Variants in MACROD2 observed in about 807,000 individuals in gnomAD.
MACROD2 encodes the protein ADP-ribose glycohydrolase MACROD2.
MACROD2 carries 36 observed loss-of-function variants against 70.4 expected under a neutral mutation model. The ratio of observed to expected loss-of-function variants is 0.51; its 90% CI spans 0.39 to 0.68. The LOEUF is 0.68. Ranked by LOEUF, MACROD2 falls within the 30% of genes least tolerant of loss-of-function variation. MACROD2 has a pLI of 0.00. For synonymous variants in MACROD2, 172 were observed against 178.8 expected, an observed-to-expected ratio of 0.96 and a Z score of 0.30; for missense variants, 496 against 538.4, an observed-to-expected ratio of 0.92 and a Z score of 0.78.
At chr20:14,456,655 C>G (rs775249299) in intron 3 of MACROD2, among the ~76,000 whole-genome samples, 1 of 149,242 alleles carries the variant, frequency 6.7e-6, no homozygotes, top group Non-Finnish European at 1.5e-5. Flanking sequence ...CTAAAATATA[C>G]TATGCAATTC....
rs59129207 is a variant in MACROD2 at position 15,227,823 on chromosome 20, G to GTTTTTT, written c.419-2096_419-2091dup. Among the ~76,000 whole-genome samples, 291 of 46,080 alleles carry GTTTTTT rather than the reference G, an allele frequency of 6.3e-3. 54 individuals carry two copies. The highest frequency in any genetic ancestry group is 0.011 in the African/African-American group (112 of 10,300). The allele number at this position is 46,080 out of a possible 152,430, so 30.2% of individuals were successfully genotyped here. Reference sequence around the variant, plus strand: ...TAACTGGTGTGATAGAATTTCACCTGTTTTTTTTTTTTTTTTTTTTTTTTT... The same window carrying GTTTTTT: ...TAACTGGTGTGATAGAATTTCACCTGTTTTTTTTTTTTTTTTTTTTTTTTTTTTTTT... On this transcript the variant is annotated intron_variant, in intron 5 of 17. Transcript: ENST00000684519.
At chr20:15,801,906 G>A (rs1262229061) in intron 8 of MACROD2, among the ~76,000 whole-genome samples, 2 of 152,092 alleles carry the variant, frequency 1.3e-5, no homozygotes, top group African/African-American at 4.8e-5. Flanking sequence ...TATTGCAGAA[G>A]TCTTTAACAT....
intron 2 of MACROD2, among the ~76,000 whole-genome samples, chr20:14,023,204 T>G (rs1369704137): frequency 1.3e-5 from 2 of 152,250 alleles, no homozygotes; most frequent in African/African-American, 2.4e-5. Flanking sequence ...AAATGTCTTC[T>G]TTGGAGAAGT....
chr20:14,615,641 C>T (rs1049115086), intron 4 of MACROD2, among the ~76,000 whole-genome samples: 3 of 152,170 alleles, frequency 2.0e-5, no homozygotes. Flanking sequence ...TCAGGCTAAG[C>T]AGCTTAGGCA....
At chr20:15,578,591 A>G (rs962984245) in intron 8 of MACROD2, among the ~76,000 whole-genome samples, 2 of 152,282 alleles carry the variant, frequency 1.3e-5, no homozygotes, top group Admixed American at 1.3e-4. Context: ...TATGTACAGT[A>G]TAACAACAAG....
chr20:15,710,358 G>A (rs1031529582), intron 8 of MACROD2, among the ~76,000 whole-genome samples: 3 of 152,152 alleles, frequency 2.0e-5, no homozygotes, highest in African/African-American at 7.2e-5. Context: ...AATGACAACA[G>A]CAAGCTATAC....
At chr20:15,768,313 G>A (rs2051563052) in intron 8 of MACROD2, among the ~76,000 whole-genome samples, 1 of 152,136 alleles carries the variant, frequency 6.6e-6, no homozygotes, top group South Asian at 2.1e-4. Context: ...ATTGCTCCTA[G>A]GCTACAAACC....
At chr20:14,356,893 G>A (rs4640454) in intron 3 of MACROD2, among the ~76,000 whole-genome samples, 57,785 of 152,012 alleles carry the variant, frequency 0.38, 12,515 homozygotes, top group Non-Finnish European at 0.49. Flanking sequence ...GTGTGATGGG[G>A]GTCTCTATTT....
intron 8 of MACROD2, among the ~76,000 whole-genome samples, chr20:15,703,772 G>T (rs2050493869): frequency 6.6e-6 from 1 of 152,260 alleles, no homozygotes; most frequent in East Asian, 1.9e-4. Flanking sequence ...TACAGTGAAT[G>T]CACCGTTGAG....
chr20:15,696,684 T>TG (rs201634503), intron 8 of MACROD2, among the ~76,000 whole-genome samples: 9 of 150,268 alleles, frequency 6.0e-5, no homozygotes, highest in South Asian at 4.2e-4. Flanking sequence ...TGGAGTTTTT[T>TG]TTTTTTTTTT....
intron 15 of MACROD2, among the ~76,000 whole-genome samples, chr20:16,030,957 T>C (rs1460486347): frequency 6.6e-6 from 1 of 152,118 alleles, no homozygotes; most frequent in Non-Finnish European, 1.5e-5. Flanking sequence ...CTTTGATAAG[T>C]TTAACGATTT....
intron 5 of MACROD2, among the ~76,000 whole-genome samples, chr20:14,930,771 A>AAT (rs1555851890): frequency 6.7e-6 from 1 of 149,718 alleles, no homozygotes; most frequent in Non-Finnish European, 1.5e-5. Context: ...TGTCTTAAAA[A>AAT]AAAAAAAAAA....
intron 7 of MACROD2, among the ~76,000 whole-genome samples, chr20:15,456,179 C>T (rs565475531): frequency 6.6e-6 from 1 of 152,122 alleles, no homozygotes. Context: ...AGAAAAGAAT[C>T]TCTTTGAACT....
At chr20:14,119,875 C>A (rs1009219904) in intron 3 of MACROD2, among the ~76,000 whole-genome samples, 1 of 152,044 alleles carries the variant, frequency 6.6e-6, no homozygotes, top group Non-Finnish European at 1.5e-5. Context: ...AAATGAACAA[C>A]CCCATCTAGG....
intron 3 of MACROD2, among the ~76,000 whole-genome samples, chr20:14,391,346 T>C (rs1055180315): frequency 6.6e-6 from 1 of 152,142 alleles, no homozygotes; most frequent in African/African-American, 2.4e-5. Flanking sequence ...CGGAGGCCAT[T>C]ATCCTTAGCA....
intron 4 of MACROD2, among the ~76,000 whole-genome samples, chr20:14,513,429 C>G (rs1255311515): frequency 6.6e-6 from 1 of 151,950 alleles, no homozygotes; most frequent in African/African-American, 2.4e-5. Flanking sequence ...CTTCTTTAAT[C>G]TCTCAAATTT....
chr20:15,927,977 T>G (rs1485643878), intron 10 of MACROD2, among the ~76,000 whole-genome samples: 2 of 152,180 alleles, frequency 1.3e-5, no homozygotes, highest in Non-Finnish European at 2.9e-5. Context: ...TACTGTGAAC[T>G]AAAGAGACAC....
chr20:14,361,078 G>T (rs1601527498), intron 3 of MACROD2, among the ~76,000 whole-genome samples: 1 of 152,184 alleles, frequency 6.6e-6, no homozygotes, highest in African/African-American at 2.4e-5. Flanking sequence ...AGTTTTCGGT[G>T]ATAATCCCTT....
intron 7 of MACROD2, among the ~76,000 whole-genome samples, chr20:15,447,051 CGTGTGTGTGTGTGTGT>C (rs57914856): frequency 0.067 from 9,771 of 146,634 alleles, 764 homozygotes; most frequent in East Asian, 0.43. Context: ...TAAGAGTGTG[CGTGTGTGTGTGTGTGT>C]GTGTGTGTGT....
Sources: allele counts gnomAD v4.1 joint callset (sites outside exome capture counted in the v4.1 genomes callset), GRCh38; gene constraint gnomAD v4.1.1; transcripts MANE v1.5; gene names NCBI Gene and HGNC (gene_info 2026-07-23, HGNC 2026-07-21).